KIAA1549: variants seen among roughly 807,000 people sequenced by gnomAD.
KIAA1549 encodes the protein KIAA1549.
KIAA1549 carries 70 observed loss-of-function variants against 156.4 expected under a neutral mutation model. The ratio of observed to expected loss-of-function variants is 0.45; its 90% CI spans 0.37 to 0.55. The LOEUF (loss-of-function observed/expected upper bound fraction) is 0.55. Among genes scored for constraint, KIAA1549 ranks in the 20% least tolerant of loss-of-function variants. KIAA1549 has a pLI of 0.00. For synonymous variants in KIAA1549, 1,103 were observed against 1,066.4 expected (o/e 1.03, Z -0.67); for missense variants, 2,428 against 2,540.9 (o/e 0.96, Z 0.96).
chr7:138,834,886 G>A lies in KIAA1549; in HGVS notation c.*3020C>T, dbSNP rs1031754628. 16 of 231,724 alleles carry A rather than the reference G, an allele frequency of 6.9e-5. No individual in the cohort carries two copies. The highest frequency in any genetic ancestry group is 2.7e-4 in the African/African-American group (12 of 45,190). The allele number at this position is 231,724 out of a possible 1,614,324, so 14.4% of individuals were successfully genotyped here. A position where few individuals can be genotyped will look rare whatever the true frequency, so the allele number is the denominator to read the frequency against. ...AACTACGGTGCCTGGGAGGTGGCGG[G>A]GGAGGTCTGTTCTTGTTTGGCTTAT... On this transcript the variant is annotated 3_prime_UTR_variant, in exon 20 of 20. Transcript: ENST00000422774.
intron 2 of KIAA1549, among the ~76,000 whole-genome samples, chr7:138,913,978 A>AGGAGGGGACAGAAAAGGG (rs1230762398): frequency 7.3e-6 from 1 of 136,722 alleles, no homozygotes; most frequent in East Asian, 2.5e-4. Context: ...ACAGAAAAGG[A>AGGAGGGGACAGAAAAGGG]GGAGGGAGGG....
chr7:138,897,293 T>C (rs1238709090), intron 9 of KIAA1549, among the ~76,000 whole-genome samples: 9 of 152,138 alleles, frequency 5.9e-5, no homozygotes, highest in Non-Finnish European at 1.3e-4. Flanking sequence ...CAAACACAAA[T>C]TGCCAATGGT....
chr7:138,891,696 A>G (rs756963288), intron 10 of KIAA1549, among the ~76,000 whole-genome samples: 18 of 152,042 alleles, frequency 1.2e-4, no homozygotes, highest in Non-Finnish European at 2.4e-4. Context: ...CAGCTCTGGG[A>G]TTTGCTGAAG....
chr7:138,889,864 C>T (rs941144683), intron 10 of KIAA1549, among the ~76,000 whole-genome samples: 31 of 152,176 alleles, frequency 2.0e-4, no homozygotes, highest in African/African-American at 7.5e-4. Flanking sequence ...TAGATAATTA[C>T]CTTCTTTTGT....
At chr7:138,938,579 A>G (rs146929244) in intron 1 of KIAA1549, among the ~76,000 whole-genome samples, 11 of 152,336 alleles carry the variant, frequency 7.2e-5, no homozygotes, top group African/African-American at 2.4e-4. Flanking sequence ...AGGGAATGAC[A>G]TGAAGTTAAT....
chr7:138,936,502 G>A (rs548397793), intron 1 of KIAA1549, among the ~76,000 whole-genome samples: 3 of 152,330 alleles, frequency 2.0e-5, no homozygotes, highest in African/African-American at 7.2e-5. Flanking sequence ...CTGAAGTGCA[G>A]GAAGCAGAGA....
chr7:138,851,376 C>G (rs1178288033), intron 17 of KIAA1549, among the ~76,000 whole-genome samples: 1 of 152,116 alleles, frequency 6.6e-6, no homozygotes, highest in Non-Finnish European at 1.5e-5. Flanking sequence ...TTATAACAGT[C>G]TAACATAAAG....
intron 18 of KIAA1549, among the ~76,000 whole-genome samples, chr7:138,843,870 T>A (rs948391703): frequency 6.6e-6 from 1 of 152,172 alleles, no homozygotes; most frequent in Non-Finnish European, 1.5e-5. Context: ...TATCCACCAA[T>A]TATTGCAAAT....
intron 1 of KIAA1549, among the ~76,000 whole-genome samples, chr7:138,952,430 G>A (rs1002645678): frequency 5.3e-5 from 8 of 152,162 alleles, no homozygotes; most frequent in Non-Finnish European, 1.0e-4. Context: ...TGAGAGCACA[G>A]ACAAACAAAC....
intron 6 of KIAA1549, among the ~76,000 whole-genome samples, chr7:138,906,501 C>T (rs550051455): frequency 7.2e-5 from 11 of 152,188 alleles, no homozygotes; most frequent in Non-Finnish European, 1.6e-4. Flanking sequence ...AATCCAAAAA[C>T]TTCACTAAAA....
chr7:138,852,386 T>C, intron 16 of KIAA1549, 117 bp from the exon 17 acceptor site: 1 of 728,990 alleles, frequency 1.4e-6, no homozygotes, highest in South Asian at 2.3e-5. Context: ...TATTTTCTCA[T>C]TAAAACTTAG....
Position 138,917,859 on chromosome 7 carries a change from A to G in KIAA1549, c.1767T>C (p.Phe589=), listed in dbSNP as rs780080011. 3.1e-6 allele frequency: 5 copies of G among 1,604,568 alleles called. No homozygotes were observed. The East Asian group carries it at 1.1e-4, about 36-fold the overall frequency. The stretch of plus-strand genomic sequence containing the variant: ...CTGAAGGAACCAGACTATAAGGCGT[A>G]AAAACACTCGGGTCTCTGACGGCAA... ...PSLAVRDPSV[F]TPYSLVPSVE... Residue 589 remains phenylalanine (F), a synonymous_variant, in exon 2 of 20, where the codon TTT becomes TTC. Coordinates refer to ENST00000422774, the MANE Select transcript of KIAA1549 (RefSeq NM_001164665.2).
Position 138,837,287 on chromosome 7 carries a change from CAGA to C in KIAA1549, c.*616_*618del, listed in dbSNP as rs1372995582. The stretch of plus-strand genomic sequence containing the variant: ...TGAAGGGCCCTTGGAGCTGTAGCAC[CAGA>C]AGAAGGAGGAAGAATGCGGGTGATG... On this transcript the variant is annotated 3_prime_UTR_variant, in exon 20 of 20. Transcript: ENST00000422774. The C allele has an allele frequency of 1.5e-4, 35 of 228,298 alleles. No homozygotes were observed. The highest frequency in any genetic ancestry group is 1.5e-3 in the Admixed American group (26 of 17,622). 14.1% of individuals were successfully genotyped at this position (228,298 alleles called of 1,614,324 possible). A position where few individuals can be genotyped will look rare whatever the true frequency, so the allele number is the denominator to read the frequency against.
intron 8 of KIAA1549, among the ~76,000 whole-genome samples, chr7:138,901,810 C>G (rs1811851705): frequency 3.9e-5 from 6 of 152,176 alleles, no homozygotes; most frequent in Admixed American, 2.0e-4. Context: ...GTACACAAAT[C>G]CTTGTCTACA....
chr7:138,973,349 A>G (rs1027988434), intron 1 of KIAA1549, among the ~76,000 whole-genome samples: 7 of 152,214 alleles, frequency 4.6e-5, no homozygotes, highest in Admixed American at 6.5e-5. Context: ...TGGGTTTTTA[A>G]CAGGTGATTC....
intron 15 of KIAA1549, among the ~76,000 whole-genome samples, chr7:138,862,611 G>A (rs1234869834): frequency 2.6e-5 from 4 of 151,894 alleles, no homozygotes; most frequent in African/African-American, 9.7e-5. Context: ...TTAAAATGAA[G>A]GTATCTCTGG....
At chr7:138,845,147 G>C (rs558212981) in intron 17 of KIAA1549, among the ~76,000 whole-genome samples, 2 of 151,460 alleles carry the variant, frequency 1.3e-5, no homozygotes, top group South Asian at 4.2e-4. Flanking sequence ...AATTAAAATG[G>C]AAAAAAAGTA....
At chr7:138,896,260 TCAAAAGGTATCTGCTCAAAGACGTAATAA>T (rs1368579726) in intron 9 of KIAA1549, among the ~76,000 whole-genome samples, 15 of 152,286 alleles carry the variant, frequency 9.8e-5, no homozygotes, top group African/African-American at 3.6e-4. Flanking sequence ...TGCTATGGGA[TCAAAAGGTATCTGCTCAAAGACGTAATAA>T]CAAAAAGGGT....
At position 138,836,138 on chromosome 7, in the gene KIAA1549, A is replaced by G. The variant is rs1291916841; in HGVS notation, c.*1768T>C. The G allele has an allele frequency of 4.7e-6, 1 of 212,390 alleles. No homozygotes were observed. Among genetic ancestry groups the G allele is most frequent in the Non-Finnish European group, 9.5e-6 (1 of 104,986 alleles). The allele number at this position is 212,390 out of a possible 1,614,324, so 13.2% of individuals were successfully genotyped here. A position where few individuals can be genotyped will look rare whatever the true frequency, so the allele number is the denominator to read the frequency against. On this transcript the variant is annotated 3_prime_UTR_variant, in exon 20 of 20. Coordinates refer to ENST00000422774, the MANE Select transcript of KIAA1549 (RefSeq NM_001164665.2). ...GATCAGTCAGAGCCCCAAATTCTAT[A>G]GCCCCTTATCTGTTATTTAATGAAA... is the stretch of plus-strand genomic sequence containing the variant.
Sources: gnomAD v4.1 joint callset for allele counts (sites outside exome capture counted in the v4.1 genomes callset) on GRCh38, gnomAD v4.1.1 for gene constraint, MANE v1.5 for transcripts, NCBI Gene and HGNC (gene_info 2026-07-23, HGNC 2026-07-21) for gene names.